The following NXPH1 variants were observed in gnomAD, a reference collection of about 807,000 sequenced individuals.
NXPH1 encodes neurexophilin-1.
Under a neutral mutation model 23.7 loss-of-function variants are expected in NXPH1, and 5 were observed. That is an observed-to-expected ratio of 0.21 (90% CI 0.11 to 0.44). The LOEUF (loss-of-function observed/expected upper bound fraction) is 0.44, where lower values mean the gene tolerates loss of function less well. Ranked by LOEUF, NXPH1 falls within the 20% of genes least tolerant of loss-of-function variation. The probability of loss-of-function intolerance (pLI) is 0.99; values close to 1 mark genes in which losing one functional copy is unlikely to be tolerated. For missense variants in NXPH1, 324 were observed against 321.6 expected, an observed-to-expected ratio of 1.01 and a Z score of -0.06; for synonymous variants, 144 against 122.2, an observed-to-expected ratio of 1.18 and a Z score of -1.18.
intron 2 of NXPH1, among the ~76,000 whole-genome samples, chr7:8,697,516 G>A (rs567610995): frequency 6.6e-6 from 1 of 152,188 alleles, no homozygotes; most frequent in African/African-American, 2.4e-5. Flanking sequence ...ACAGACTGAA[G>A]TGCTGGGGTA....
chr7:8,559,848 T>TACTG (rs1818412483), intron 2 of NXPH1, among the ~76,000 whole-genome samples: 1 of 151,870 alleles, frequency 6.6e-6, no homozygotes, highest in East Asian at 2.0e-4. Context: ...GGGCATAGCA[T>TACTG]ACTGGGCCAG....
chr7:8,643,878 C>T (rs1820355455), intron 2 of NXPH1, among the ~76,000 whole-genome samples: 1 of 152,092 alleles, frequency 6.6e-6, no homozygotes, highest in African/African-American at 2.4e-5. Flanking sequence ...ATTTGGCCTT[C>T]TACCAATCTA....
chr7:8,739,532 A>G (rs945133470), intron 2 of NXPH1, among the ~76,000 whole-genome samples: 8 of 152,214 alleles, frequency 5.3e-5, no homozygotes, highest in Admixed American at 4.6e-4. Context: ...GGAAATGCAG[A>G]AGTCACCCGC....
At chr7:8,725,023 A>G (rs1051828306) in intron 2 of NXPH1, among the ~76,000 whole-genome samples, 5 of 152,238 alleles carry the variant, frequency 3.3e-5, no homozygotes, top group Non-Finnish European at 7.3e-5. Context: ...GGCAGAGTAT[A>G]GTAACCCAGT....
At chr7:8,701,836 C>T (rs1779627593) in intron 2 of NXPH1, among the ~76,000 whole-genome samples, 1 of 152,002 alleles carries the variant, frequency 6.6e-6, no homozygotes. Flanking sequence ...AAAATAATAA[C>T]AATCAAGTCT....
intron 2 of NXPH1, among the ~76,000 whole-genome samples, chr7:8,563,849 A>G (rs948992333): frequency 6.6e-6 from 1 of 151,756 alleles, no homozygotes; most frequent in African/African-American, 2.4e-5. Flanking sequence ...CAAACCATAA[A>G]CCCTGGAGGG....
chr7:8,553,505 C>T (rs2128619915), intron 2 of NXPH1, among the ~76,000 whole-genome samples: 1 of 151,510 alleles, frequency 6.6e-6, no homozygotes, highest in Middle Eastern at 3.4e-3. Flanking sequence ...AAGCCTAGGC[C>T]AGTTTTATGA....
chr7:8,497,854 G>A (rs1341352285), intron 2 of NXPH1, among the ~76,000 whole-genome samples: 2 of 152,096 alleles, frequency 1.3e-5, no homozygotes, highest in East Asian at 1.9e-4. Context: ...CTGTGCAGAA[G>A]CTCTTTAGTT....
intron 2 of NXPH1, among the ~76,000 whole-genome samples, chr7:8,532,948 T>C (rs1817971272): frequency 6.6e-6 from 1 of 152,150 alleles, no homozygotes; most frequent in African/African-American, 2.4e-5. Context: ...ATAAATAGTG[T>C]ACTATTGCCA....
chr7:8,722,958 ACAGT>A (rs1189945271), intron 2 of NXPH1, among the ~76,000 whole-genome samples: 2 of 152,204 alleles, frequency 1.3e-5, no homozygotes, highest in African/African-American at 4.8e-5. Flanking sequence ...CAAAAATGTC[ACAGT>A]CAAACTGTGT....
intron 2 of NXPH1, among the ~76,000 whole-genome samples, chr7:8,481,891 G>A (rs767952303): frequency 1.3e-5 from 2 of 152,096 alleles, no homozygotes; most frequent in Non-Finnish European, 1.5e-5. Flanking sequence ...GAGCCCTCTG[G>A]AGTTCTTGCA....
At chr7:8,739,937 C>G (rs374378486) in intron 2 of NXPH1, among the ~76,000 whole-genome samples, 4 of 152,136 alleles carry the variant, frequency 2.6e-5, no homozygotes, top group African/African-American at 9.7e-5. Flanking sequence ...ATTATAATCT[C>G]CTGGGACCAC....
rs544828150 is a variant in NXPH1 at position 8,440,856 on chromosome 7, T to C, written c.54+5089T>C. Among the ~76,000 whole-genome samples, 3 of 152,290 alleles carry C rather than the reference T, an allele frequency of 2.0e-5. No homozygotes were observed. The East Asian group carries it at 5.8e-4, about 29-fold the overall frequency. On this transcript the variant is annotated intron_variant, in intron 2 of 2. Coordinates refer to ENST00000405863, the MANE Select transcript of NXPH1 (RefSeq NM_152745.3). ...TCCCAGTCCTGGAATACCAAGGTGC[T>C]TGTCAGCTTCACCTGGAATTCCTGG... is the stretch of plus-strand genomic sequence containing the variant.
intron 2 of NXPH1, among the ~76,000 whole-genome samples, chr7:8,695,447 A>G (rs79384116): frequency 0.023 from 3,442 of 152,310 alleles, 153 homozygotes; most frequent in East Asian, 0.18. Context: ...AGATGTCATC[A>G]TAACTTTAGT....
intron 2 of NXPH1, among the ~76,000 whole-genome samples, chr7:8,739,905 G>GTGA (rs1202592228): frequency 1.3e-5 from 2 of 152,112 alleles, no homozygotes; most frequent in African/African-American, 4.8e-5. Flanking sequence ...ACATTATTAG[G>GTGA]TGATAGGAAT....
chr7:8,575,966 T>C (rs992959916), intron 2 of NXPH1, among the ~76,000 whole-genome samples: 6 of 152,156 alleles, frequency 3.9e-5, no homozygotes, highest in African/African-American at 7.2e-5. Flanking sequence ...AACAAACTTA[T>C]ATTTCAAGAT....
intron 2 of NXPH1, among the ~76,000 whole-genome samples, chr7:8,479,599 C>T (rs910935044): frequency 6.6e-6 from 1 of 152,090 alleles, no homozygotes; most frequent in East Asian, 1.9e-4. Flanking sequence ...ATCGTGGTGG[C>T]TTTGAAATAA....
At chr7:8,748,775 C>T (rs544711397) in intron 2 of NXPH1, among the ~76,000 whole-genome samples, 14 of 152,278 alleles carry the variant, frequency 9.2e-5, no homozygotes, top group African/African-American at 1.9e-4. Context: ...GGGATACAAA[C>T]GCATGATGAA....
chr7:8,624,709 T>C (rs577641125), intron 2 of NXPH1, among the ~76,000 whole-genome samples: 55 of 152,204 alleles, frequency 3.6e-4, no homozygotes, highest in Non-Finnish European at 6.9e-4. Flanking sequence ...GTAAAGACAA[T>C]TGCAGAGTGA....
Sources: gnomAD v4.1 joint callset for allele counts (sites outside exome capture counted in the v4.1 genomes callset) on GRCh38, gnomAD v4.1.1 for gene constraint, MANE v1.5 for transcripts, NCBI Gene and HGNC (gene_info 2026-07-23, HGNC 2026-07-21) for gene names.